GHR: variants seen among roughly 807,000 people sequenced by gnomAD.
The protein encoded by GHR is GH receptor.
In GHR, 35 loss-of-function variants were observed where a neutral mutation model predicts 67.1. The ratio of observed to expected loss-of-function variants is 0.52; its 90% CI spans 0.40 to 0.69. The LOEUF is 0.69. GHR is among the 30% of genes least tolerant of loss of function. The pLI is 0.00. For missense variants in GHR, 792 were observed against 764.6 expected, an observed-to-expected ratio of 1.04 and a Z score of -0.42; for synonymous variants, 272 against 269.1, an observed-to-expected ratio of 1.01 and a Z score of -0.10.
chr5:42,705,852 C>T (rs905116552), intron 6 of GHR, among the ~76,000 whole-genome samples: 3 of 152,076 alleles, frequency 2.0e-5, no homozygotes, highest in African/African-American at 7.2e-5. Flanking sequence ...CTATGATGAA[C>T]ACACGCATGC....
chr5:42,547,759 C>T (rs1190998350), intron 1 of GHR, among the ~76,000 whole-genome samples: 1 of 152,126 alleles, frequency 6.6e-6, no homozygotes, highest in African/African-American at 2.4e-5. Flanking sequence ...ATACTGCTGA[C>T]AAATGGTTAA....
intron 3 of GHR, among the ~76,000 whole-genome samples, chr5:42,630,980 G>T (rs1305164352): frequency 6.7e-6 from 1 of 149,042 alleles, no homozygotes; most frequent in Non-Finnish European, 1.5e-5. Flanking sequence ...AGGGCTGCAG[G>T]TCTTCAGGCT....
intron 3 of GHR, among the ~76,000 whole-genome samples, chr5:42,629,893 C>A (rs1361913656): frequency 7.6e-6 from 1 of 131,692 alleles, no homozygotes; most frequent in African/African-American, 3.2e-5. Flanking sequence ...TCTCTCCAAC[C>A]AAATTGCCTT....
At chr5:42,694,863 A>C in intron 4 of GHR, 54 bp from the exon 5 acceptor site, 1 of 1,348,294 alleles carries the variant, frequency 7.4e-7, no homozygotes, top group Non-Finnish European at 1.1e-6. Context: ...ACTTGGACTT[A>C]AGCTACAACA....
chr5:42,651,017 G>A (rs1754996475), intron 3 of GHR, among the ~76,000 whole-genome samples: 1 of 152,158 alleles, frequency 6.6e-6, no homozygotes, highest in African/African-American at 2.4e-5. Flanking sequence ...ATAGGGAAAA[G>A]AGATAATGGT....
intron 4 of GHR, 70 bp from the exon 5 acceptor site, chr5:42,694,847 C>A: frequency 8.9e-7 from 1 of 1,120,654 alleles, no homozygotes; most frequent in Non-Finnish European, 1.4e-6. Flanking sequence ...GACTATCAAG[C>A]ACCTTACTTG....
At chr5:42,692,648 T>C (rs1242960419) in intron 4 of GHR, among the ~76,000 whole-genome samples, 1 of 152,320 alleles carries the variant, frequency 6.6e-6, no homozygotes, top group East Asian at 1.9e-4. Context: ...GTTTGTCCTG[T>C]GGAGTTCATG....
Position 42,423,535 on chromosome 5 carries a change from C to T in GHR, c.-432C>T, listed in dbSNP as rs1344211196. ...GCCCGGGCGGCACTCGGCCTCTCCG[C>T]AGCAGTTCTCGAACTGGCCTCCTTG... On this transcript the variant is annotated 5_prime_UTR_variant, in exon 1 of 10. Transcript: ENST00000230882. Among the ~76,000 whole-genome samples, 1 of 152,034 alleles carries T rather than the reference C, an allele frequency of 6.6e-6. No individual in the cohort carries two copies. Among genetic ancestry groups the T allele is most frequent in the Non-Finnish European group, 1.5e-5 (1 of 68,000 alleles).
At chr5:42,657,626 G>T (rs558489813) in intron 3 of GHR, among the ~76,000 whole-genome samples, 1 of 152,088 alleles carries the variant, frequency 6.6e-6, no homozygotes, top group Non-Finnish European at 1.5e-5. Context: ...GAATTTAGAA[G>T]TATAATACCT....
At chr5:42,603,398 C>A (rs980969737) in intron 2 of GHR, among the ~76,000 whole-genome samples, 1 of 151,934 alleles carries the variant, frequency 6.6e-6, no homozygotes, top group African/African-American at 2.4e-5. Context: ...ATTTTCTTCC[C>A]GGGACTGGAA....
intron 3 of GHR, among the ~76,000 whole-genome samples, chr5:42,658,057 T>C (rs1233769465): frequency 6.6e-6 from 1 of 152,186 alleles, no homozygotes; most frequent in Non-Finnish European, 1.5e-5. Flanking sequence ...ATATTTCTGA[T>C]AATAAAGATG....
intron 3 of GHR, among the ~76,000 whole-genome samples, chr5:42,669,113 T>C (rs1756144641): frequency 1.3e-5 from 2 of 152,186 alleles, no homozygotes; most frequent in Admixed American, 1.3e-4. Context: ...AAATATTCTG[T>C]TCAGTGTGCT....
rs143139813 is a variant in GHR at position 42,530,080 on chromosome 5, G to A, written c.-11-35784G>A. The stretch of plus-strand genomic sequence containing the variant: ...ATTTAGGTATGATCAGCAAATAAAA[G>A]TTGTATATATTCAAGGTGTATGACA... On this transcript the variant is annotated intron_variant, in intron 1 of 9. Coordinates refer to ENST00000230882, the MANE Select transcript of GHR (RefSeq NM_000163.5). Among the ~76,000 whole-genome samples, 537 of 123,636 alleles carry A rather than the reference G, an allele frequency of 4.3e-3. 1 individual carries two copies. The highest frequency in any genetic ancestry group is 0.016 in the African/African-American group (502 of 32,108). The allele number at this position is 123,636 out of a possible 152,430, so 81.1% of individuals were successfully genotyped here.
chr5:42,546,391 C>A (rs894158149), intron 1 of GHR, among the ~76,000 whole-genome samples: 1 of 152,124 alleles, frequency 6.6e-6, no homozygotes, highest in African/African-American at 2.4e-5. Flanking sequence ...GTTCAGTGGT[C>A]CAGCCCATCA....
intron 3 of GHR, among the ~76,000 whole-genome samples, chr5:42,677,215 T>C (rs1335518226): frequency 6.6e-6 from 1 of 152,220 alleles, no homozygotes; most frequent in Non-Finnish European, 1.5e-5. Flanking sequence ...TCTTCCTTTA[T>C]ATTTTTTCTG....
Position 42,721,456 on chromosome 5 carries a change from T to G in GHR, c.*2032T>G, listed in dbSNP as rs1759018993. 1 of 152,476 alleles carries G rather than the reference T, an allele frequency of 6.6e-6. No homozygotes were observed. Among genetic ancestry groups the G allele is most frequent in the Non-Finnish European group, 1.5e-5 (1 of 68,038 alleles). 9.4% of individuals were successfully genotyped at this position (152,476 alleles called of 1,614,324 possible). A position where few individuals can be genotyped will look rare whatever the true frequency, so the allele number is the denominator to read the frequency against. On this transcript the variant is annotated 3_prime_UTR_variant, in exon 10 of 10. Coordinates refer to ENST00000230882, the MANE Select transcript of GHR (RefSeq NM_000163.5). ...AGGAAGGACTATGAAAAGCTAGAAT[T>G]GAGTGTTTAAAGTTCAACATGTTAT...
chr5:42,478,872 T>G (rs1308229379), intron 1 of GHR, among the ~76,000 whole-genome samples: 1 of 152,206 alleles, frequency 6.6e-6, no homozygotes, highest in African/African-American at 2.4e-5. Context: ...TGAATACCCT[T>G]TATTTCCTTC....
intron 2 of GHR, among the ~76,000 whole-genome samples, chr5:42,588,437 T>C (rs1449935569): frequency 6.7e-6 from 1 of 148,688 alleles, no homozygotes; most frequent in Non-Finnish European, 1.5e-5. Flanking sequence ...GGAGAATCGC[T>C]TGAACCTGGG....
At chr5:42,524,945 G>A (rs1010027464) in intron 1 of GHR, among the ~76,000 whole-genome samples, 3 of 152,202 alleles carry the variant, frequency 2.0e-5, no homozygotes, top group Admixed American at 6.5e-5. Flanking sequence ...CCTAGATTTC[G>A]GAAGATGTAC....
Sources: gnomAD v4.1 joint callset for allele counts (sites outside exome capture counted in the v4.1 genomes callset) on GRCh38, gnomAD v4.1.1 for gene constraint, MANE v1.5 for transcripts, NCBI Gene and HGNC (gene_info 2026-07-23, HGNC 2026-07-21) for gene names.